PRKCQ: variants seen among roughly 807,000 people sequenced by gnomAD.
The protein encoded by PRKCQ is protein kinase C theta type.
PRKCQ carries 41 observed loss-of-function variants against 91.2 expected under a neutral mutation model. That is an observed-to-expected ratio of 0.45 (90% CI 0.35 to 0.58). The LOEUF is 0.58. Ranked by LOEUF, PRKCQ falls within the 20% of genes least tolerant of loss-of-function variation. The probability of loss-of-function intolerance (pLI) is 0.00; values close to 1 mark genes in which losing one functional copy is unlikely to be tolerated. For synonymous variants in PRKCQ, 307 were observed against 316.9 expected (o/e 0.97, Z 0.33); for missense variants, 673 against 896.5 (o/e 0.75, Z 3.18).
At chr10:6,521,341 C>G (rs1838995042) in intron 1 of PRKCQ, among the ~76,000 whole-genome samples, 1 of 152,172 alleles carries the variant, frequency 6.6e-6, no homozygotes. Context: ...AATTAAGTGA[C>G]AGACAATTAC....
At chr10:6,531,039 A>T (rs1839372388) in intron 1 of PRKCQ, among the ~76,000 whole-genome samples, 1 of 51,910 alleles carries the variant, frequency 1.9e-5, no homozygotes, top group Non-Finnish European at 4.9e-5. Context: ...CTCACCTGTC[A>T]GCAGGGTGGA....
chr10:6,462,988 G>C (rs1361929027), intron 13 of PRKCQ, among the ~76,000 whole-genome samples: 1 of 144,126 alleles, frequency 6.9e-6, no homozygotes, highest in Non-Finnish European at 1.5e-5. Context: ...ATGGACGACA[G>C]AGCAAGACTC....
chr10:6,481,992 T>TA (rs1836624735), intron 11 of PRKCQ, among the ~76,000 whole-genome samples: 1 of 144,480 alleles, frequency 6.9e-6, no homozygotes, highest in Non-Finnish European at 1.5e-5. Context: ...TCTTCTCACC[T>TA]CCCCTTTTTT....
At chr10:6,395,075 T>TTTTTTTTTTTTTTTTTTTTTC in the PRKCQ span, among the ~76,000 whole-genome samples, 1 of 135,764 alleles carries the variant, frequency 7.4e-6, no homozygotes, top group African/African-American at 2.8e-5. Context: ...TTTTTTTTTT[T>TTTTTTTTTTTTTTTTTTTTTC]TTTTTGAGAC....
chr10:6,547,475 T>C (rs2130927529), intron 1 of PRKCQ, among the ~76,000 whole-genome samples: 1 of 152,172 alleles, frequency 6.6e-6, no homozygotes, highest in Admixed American at 6.5e-5. Context: ...CTACCTGACT[T>C]CAAACTATAC....
the PRKCQ span, among the ~76,000 whole-genome samples, chr10:6,416,457 T>C: frequency 6.6e-6 from 1 of 152,198 alleles, no homozygotes; most frequent in African/African-American, 2.4e-5. Flanking sequence ...AATGAGAACA[T>C]ATGATGTTTG....
At chr10:6,419,670 CAG>C in the PRKCQ span, among the ~76,000 whole-genome samples, 1 of 147,470 alleles carries the variant, frequency 6.8e-6, no homozygotes, top group African/African-American at 2.5e-5. Flanking sequence ...AAATCTCTGA[CAG>C]AACTGAAATC....
At chr10:6,455,309 T>G (rs1834946451) in intron 15 of PRKCQ, among the ~76,000 whole-genome samples, 1 of 152,328 alleles carries the variant, frequency 6.6e-6, no homozygotes, top group African/African-American at 2.4e-5. Flanking sequence ...AACATAGATT[T>G]CTACGATCAG....
chr10:6,496,168 A>C (rs1467197399), intron 7 of PRKCQ, among the ~76,000 whole-genome samples: 1 of 148,468 alleles, frequency 6.7e-6, no homozygotes, highest in Non-Finnish European at 1.5e-5. Flanking sequence ...GTGAACCAAG[A>C]TGACACCACT....
chr10:6,490,461 C>G (rs1304760313), intron 8 of PRKCQ, among the ~76,000 whole-genome samples: 5 of 151,356 alleles, frequency 3.3e-5, no homozygotes, highest in African/African-American at 1.2e-4. Context: ...CATGGTGACT[C>G]ACTCCTGTAA....
chr10:6,540,466 G>C (rs967030316), intron 1 of PRKCQ, among the ~76,000 whole-genome samples: 1 of 152,094 alleles, frequency 6.6e-6, no homozygotes, highest in Non-Finnish European at 1.5e-5. Flanking sequence ...TAGGAACCTC[G>C]TATAAGTGGA....
chr10:6,456,791 G>A lies in PRKCQ; in HGVS notation c.1530C>T (p.Ile510=). The A allele has an allele frequency of 6.2e-7, 1 of 1,614,002 alleles. No homozygotes were observed. Among genetic ancestry groups the A allele is most frequent in the Non-Finnish European group, 8.5e-7 (1 of 1,179,954 alleles). The change falls in exon 15 of 18, where the codon ATC becomes ATT. Residue 510 remains isoleucine (I), a synonymous_variant. Coordinates refer to ENST00000263125, the MANE Select transcript of PRKCQ (RefSeq NM_006257.5). Reference sequence around the variant, plus strand: ...TGATATGTCCATCTTTGTCTAACAGGATGTTATCTAGCTTCAGGTCCCTGA... The same window carrying A: ...TGATATGTCCATCTTTGTCTAACAGAATGTTATCTAGCTTCAGGTCCCTGA... ...IVYRDLKLDN[I]LLDKDGHIKI... is the part of the protein sequence containing the mutation.
chr10:6,512,568 T>C (rs1302563177), intron 2 of PRKCQ, among the ~76,000 whole-genome samples: 1 of 152,248 alleles, frequency 6.6e-6, no homozygotes, highest in African/African-American at 2.4e-5. Context: ...TTTGAGTGTT[T>C]GTTTCTTGTG....
intron 1 of PRKCQ, among the ~76,000 whole-genome samples, chr10:6,538,790 A>G (rs1839675354): frequency 6.6e-6 from 1 of 152,104 alleles, no homozygotes; most frequent in African/African-American, 2.4e-5. Flanking sequence ...GAATTTATTT[A>G]TTCATTTATT....
At chr10:6,451,647 T>A (rs1040709632) in intron 15 of PRKCQ, among the ~76,000 whole-genome samples, 2 of 152,068 alleles carry the variant, frequency 1.3e-5, no homozygotes, top group African/African-American at 4.8e-5. Flanking sequence ...TAGACCAATA[T>A]CCTTGATGAA....
chr10:6,416,342 T>C, the PRKCQ span, among the ~76,000 whole-genome samples: 10 of 131,278 alleles, frequency 7.6e-5, no homozygotes, highest in East Asian at 2.0e-3. Flanking sequence ...GTACCTACTG[T>C]GCAGACCTTT....
intron 7 of PRKCQ, 48 bp from the exon 8 acceptor site, chr10:6,491,860 C>A (rs1837324300): frequency 1.2e-6 from 2 of 1,612,008 alleles, no homozygotes; most frequent in Non-Finnish European, 1.7e-6. Context: ...GGGGCCCCGA[C>A]TTTGGATGTT....
chr10:6,498,308 C>CA, intron 5 of PRKCQ, 88 bp downstream of exon 5: 1 of 1,500,750 alleles, frequency 6.7e-7, no homozygotes, highest in Non-Finnish European at 9.2e-7. Context: ...GCACACCCCC[C>CA]ACAGTGGAGC....
chr10:6,400,468 C>T, the PRKCQ span, among the ~76,000 whole-genome samples: 3 of 152,094 alleles, frequency 2.0e-5, no homozygotes, highest in African/African-American at 2.4e-5. Context: ...CTGTCATATA[C>T]GCAGGGCAGT....
Sources: gnomAD v4.1 joint callset for allele counts (sites outside exome capture counted in the v4.1 genomes callset) on GRCh38, gnomAD v4.1.1 for gene constraint, MANE v1.5 for transcripts, NCBI Gene and HGNC (gene_info 2026-07-23, HGNC 2026-07-21) for gene names.